FNBP1L: variants seen among roughly 807,000 people sequenced by gnomAD.
FNBP1L encodes formin binding protein 1 like.
A neutral mutation model predicts 91.2 loss-of-function variants in FNBP1L; 36 were observed. The ratio of observed to expected loss-of-function variants is 0.39; its 90% CI spans 0.30 to 0.52. The LOEUF (loss-of-function observed/expected upper bound fraction) is 0.52. Among genes scored for constraint, FNBP1L ranks in the 20% least tolerant of loss-of-function variants. The probability of loss-of-function intolerance (pLI) is 0.66; values close to 1 mark genes in which losing one functional copy is unlikely to be tolerated. For synonymous variants in FNBP1L, 242 were observed against 237.0 expected (o/e 1.02, Z -0.19); for missense variants, 571 against 732.1 (o/e 0.78, Z 2.54).
intron 5 of FNBP1L, among the ~76,000 whole-genome samples, chr1:93,527,417 T>C (rs1382733798): frequency 6.6e-6 from 1 of 152,130 alleles, no homozygotes; most frequent in South Asian, 2.1e-4. Context: ...GCTAAGGGCT[T>C]GGATTTCCAG....
At chr1:93,469,146 T>TA (rs1351843944) in intron 1 of FNBP1L, among the ~76,000 whole-genome samples, 2 of 152,272 alleles carry the variant, frequency 1.3e-5, no homozygotes, top group Non-Finnish European at 2.9e-5. Flanking sequence ...GCAGGTTTGT[T>TA]ACATAGGTAT....
At chr1:93,505,482 G>A (rs1328337001) in intron 2 of FNBP1L, among the ~76,000 whole-genome samples, 1 of 152,134 alleles carries the variant, frequency 6.6e-6, no homozygotes, top group Non-Finnish European at 1.5e-5. Context: ...AAAGGAAGGA[G>A]GAAGTAACTT....
intron 7 of FNBP1L, 80 bp from the exon 8 acceptor site, chr1:93,532,842 A>G (rs2101760231): frequency 9.7e-7 from 1 of 1,035,772 alleles, no homozygotes; most frequent in Non-Finnish European, 1.4e-6. Flanking sequence ...TTAATTTTTG[A>G]TGGGGGATCA....
chr1:93,500,038 T>C (rs941658384), intron 2 of FNBP1L, among the ~76,000 whole-genome samples: 1 of 152,204 alleles, frequency 6.6e-6, no homozygotes, highest in African/African-American at 2.4e-5. Flanking sequence ...TGAATGAATG[T>C]GATTTTAGAA....
chr1:93,484,719 A>G (rs746968571), intron 1 of FNBP1L, among the ~76,000 whole-genome samples: 4 of 152,336 alleles, frequency 2.6e-5, no homozygotes, highest in Non-Finnish European at 4.4e-5. Context: ...AGTATAACAT[A>G]AAGAAAACTA....
At chr1:93,484,059 G>C (rs1669811476) in intron 1 of FNBP1L, among the ~76,000 whole-genome samples, 1 of 152,202 alleles carries the variant, frequency 6.6e-6, no homozygotes, top group African/African-American at 2.4e-5. Flanking sequence ...CTCCTGAGTA[G>C]CTGGGACTAC....
At chr1:93,526,639 C>T (rs565116788) in intron 5 of FNBP1L, among the ~76,000 whole-genome samples, 148 of 152,268 alleles carry the variant, frequency 9.7e-4, no homozygotes, top group African/African-American at 3.5e-3. Context: ...CTGGGCGGGG[C>T]AGGCTCTGCT....
chr1:93,459,604 C>A (rs1326388748), intron 1 of FNBP1L, among the ~76,000 whole-genome samples: 1 of 152,110 alleles, frequency 6.6e-6, no homozygotes, highest in Non-Finnish European at 1.5e-5. Flanking sequence ...GAAAACGGAA[C>A]CCTTGTACAT....
At chr1:93,549,011 G>GAT (rs1293987300) in intron 14 of FNBP1L, among the ~76,000 whole-genome samples, 1 of 152,128 alleles carries the variant, frequency 6.6e-6, no homozygotes, top group Non-Finnish European at 1.5e-5. Context: ...TAGACCGAGT[G>GAT]ATAGTGAGGT....
chr1:93,512,678 T>C (rs1267188238), intron 2 of FNBP1L, among the ~76,000 whole-genome samples: 2 of 148,806 alleles, frequency 1.3e-5, no homozygotes, highest in Non-Finnish European at 1.5e-5. Flanking sequence ...GACTACTGGG[T>C]ACATAACGAA....
chr1:93,545,505 T>A (rs941575149), intron 12 of FNBP1L, among the ~76,000 whole-genome samples: 1 of 152,152 alleles, frequency 6.6e-6, no homozygotes, highest in Non-Finnish European at 1.5e-5. Context: ...ATGTGGAACA[T>A]AATAATAGAA....
chr1:93,535,154 T>C (rs527889357), intron 9 of FNBP1L, among the ~76,000 whole-genome samples: 7 of 152,154 alleles, frequency 4.6e-5, no homozygotes, highest in Non-Finnish European at 8.8e-5. Context: ...AGTTAAGTTA[T>C]ATGCTTTTGA....
intron 1 of FNBP1L, among the ~76,000 whole-genome samples, chr1:93,483,650 C>A (rs1331909425): frequency 2.0e-5 from 3 of 152,028 alleles, no homozygotes. Flanking sequence ...ATATAATAGA[C>A]CATATATAGA....
intron 1 of FNBP1L, among the ~76,000 whole-genome samples, chr1:93,459,095 C>A (rs764970277): frequency 1.3e-5 from 2 of 152,052 alleles, no homozygotes; most frequent in Non-Finnish European, 2.9e-5. Context: ...GGCAACATGA[C>A]AAAACACCGT....
intron 2 of FNBP1L, among the ~76,000 whole-genome samples, chr1:93,516,340 C>G (rs746224397): frequency 1.6e-4 from 24 of 152,186 alleles, no homozygotes; most frequent in Non-Finnish European, 2.8e-4. Flanking sequence ...ACCACCTGAG[C>G]TATACCCCCT....
chr1:93,542,892 T>C (rs1294669276), intron 11 of FNBP1L, among the ~76,000 whole-genome samples: 1 of 150,338 alleles, frequency 6.7e-6, no homozygotes, highest in Non-Finnish European at 1.5e-5. Flanking sequence ...CAAGTGATTC[T>C]CCTGCCTCAG....
At chr1:93,524,350 CA>C in intron 5 of FNBP1L, 27 bp downstream of exon 5, 1 of 1,460,132 alleles carries the variant, frequency 6.8e-7, no homozygotes, top group Non-Finnish European at 9.1e-7. Flanking sequence ...TCATGGTTAA[CA>C]TAAAATCTTG....
rs1668334934 is a variant in FNBP1L, at chr1:93,448,230, A to G, written c.-52A>G. On this transcript the variant is annotated 5_prime_UTR_variant, in exon 1 of 17. Coordinates refer to ENST00000271234, the MANE Select transcript of FNBP1L (RefSeq NM_001164473.3). Reference sequence around the variant, plus strand: ...GAGTGAGAGGTCGGACAGACTGTGGAGCCGACAGACTGAAGGACAGCGGCA... The same window carrying G: ...GAGTGAGAGGTCGGACAGACTGTGGGGCCGACAGACTGAAGGACAGCGGCA... The G allele has an allele frequency of 6.6e-7, 1 of 1,519,600 alleles. No individual in the cohort carries two copies. Among genetic ancestry groups the G allele is most frequent in the East Asian group, 2.8e-5 (1 of 35,964 alleles). 94.1% of individuals were successfully genotyped at this position (1,519,600 alleles called of 1,614,324 possible).
intron 5 of FNBP1L, among the ~76,000 whole-genome samples, chr1:93,527,708 A>G (rs1222292674): frequency 6.6e-6 from 1 of 152,126 alleles, no homozygotes. Context: ...TGGAGCTTTC[A>G]ATGGCTTTTT....
Sources: allele counts gnomAD v4.1 joint callset (sites outside exome capture counted in the v4.1 genomes callset), GRCh38; gene constraint gnomAD v4.1.1; transcripts MANE v1.5; gene names NCBI Gene and HGNC (gene_info 2026-07-23, HGNC 2026-07-21).